THAP6: variants seen among roughly 807,000 people sequenced by gnomAD.
THAP6 encodes THAP domain-containing protein 6.
In THAP6, 13 loss-of-function variants were observed where a neutral mutation model predicts 20.0. The observed-to-expected ratio is 0.65, with a 90% CI of 0.42 to 1.03. THAP6 has a LOEUF of 1.03. THAP6 is among the 50% of genes least tolerant of loss of function. The probability of loss-of-function intolerance (pLI) is 0.00; values close to 1 mark genes in which losing one functional copy is unlikely to be tolerated. For missense variants in THAP6, 262 were observed against 261.6 expected, an observed-to-expected ratio of 1.00 and a Z score of -0.01; for synonymous variants, 93 against 92.2, an observed-to-expected ratio of 1.01 and a Z score of -0.05.
rs1726460305 is a variant in THAP6, at chr4:75,527,555, A to G, written c.*341A>G. ...TAGAAGGAATTGGACACTTCTCCAG[A>G]TATTTGGCTTCAAAGGAGTACCTTT... On this transcript the variant is annotated 3_prime_UTR_variant, in exon 5 of 5. Coordinates refer to ENST00000311638, the MANE Select transcript of THAP6 (RefSeq NM_144721.6). 2 of 1,061,118 alleles carry G rather than the reference A, an allele frequency of 1.9e-6. No homozygotes were observed. Among genetic ancestry groups the G allele is most frequent in the Non-Finnish European group, 2.3e-6 (2 of 876,632 alleles). The allele number at this position is 1,061,118 out of a possible 1,614,324, so 65.7% of individuals were successfully genotyped here.
chr4:75,520,103 G>A (rs1408466900), intron 3 of THAP6, among the ~76,000 whole-genome samples: 3 of 152,040 alleles, frequency 2.0e-5, no homozygotes, highest in Non-Finnish European at 4.4e-5. Flanking sequence ...TTTTTCATGT[G>A]TTTTTTGGCT....
chr4:75,536,314 A>G (rs1726851401), intron 2 of THAP6, among the ~76,000 whole-genome samples: 1 of 152,066 alleles, frequency 6.6e-6, no homozygotes. Flanking sequence ...AAAATACAAA[A>G]TTAGCCAGGT....
intron 2 of THAP6, among the ~76,000 whole-genome samples, chr4:75,538,316 G>T (rs914831441): frequency 2.0e-5 from 3 of 151,894 alleles, no homozygotes; most frequent in Admixed American, 6.6e-5. Flanking sequence ...TGTAGGATTT[G>T]AGAGTCTCAA....
intron 2 of THAP6, chr4:75,540,064 T>C (rs1726963845): frequency 3.1e-6 from 4 of 1,300,638 alleles, no homozygotes; most frequent in Non-Finnish European, 4.2e-6. Context: ...ACCATCCTCC[T>C]CTTCATCCTC....
At position 75,529,093 on chromosome 4, in the gene THAP6, TTTAG is replaced by T; in HGVS notation, c.*1883_*1886del. On this transcript the variant is annotated 3_prime_UTR_variant, in exon 5 of 5. Coordinates refer to ENST00000311638, the MANE Select transcript of THAP6 (RefSeq NM_144721.6). ...CTTTCATTAATTACCCATTATTTAT[TTTAG>T]TTACTTAATTTTGAGTTCATAAATG... 2.1e-6 allele frequency: 2 copies of T among 967,308 alleles called. No homozygotes were observed. The highest frequency in any genetic ancestry group is 2.5e-6 in the Non-Finnish European group (2 of 813,450). The allele number at this position is 967,308 out of a possible 1,614,324, so 59.9% of individuals were successfully genotyped here.
At chr4:75,542,263 C>A in intron 2 of THAP6, 1 of 569,248 alleles carries the variant, frequency 1.8e-6, no homozygotes, top group South Asian at 2.2e-5. Context: ...GAGAACCTCA[C>A]AATACAGCTT....
intron 2 of THAP6, 141 bp from the exon 3 acceptor site, chr4:75,516,631 A>T: frequency 1.4e-6 from 1 of 700,572 alleles, no homozygotes; most frequent in Non-Finnish European, 2.2e-6. Context: ...AGCATGAATT[A>T]TGGTTTCCTA....
chr4:75,536,307 A>G (rs1168152831), intron 2 of THAP6, among the ~76,000 whole-genome samples: 1 of 152,076 alleles, frequency 6.6e-6, no homozygotes, highest in Non-Finnish European at 1.5e-5. Flanking sequence ...TCCACTAAAA[A>G]TACAAAATTA....
At chr4:75,524,710 ACTT>A (rs1192456417) in intron 4 of THAP6, among the ~76,000 whole-genome samples, 2 of 151,572 alleles carry the variant, frequency 1.3e-5, no homozygotes, top group African/African-American at 4.8e-5. Context: ...TGTACCTAAT[ACTT>A]CTTTTTTTCT....
At chr4:75,538,168 G>A (rs1578281923) in intron 2 of THAP6, among the ~76,000 whole-genome samples, 3 of 152,314 alleles carry the variant, frequency 2.0e-5, no homozygotes, top group African/African-American at 7.2e-5. Flanking sequence ...CATGGCACAT[G>A]AGTAGACAGC....
In THAP6 at chr4:75,526,045, C is replaced by T. The variant is rs551540279; in HGVS notation, c.415-915C>T. Among the ~76,000 whole-genome samples the T allele has an allele frequency of 4.6e-5, 7 of 152,242 alleles. No individual in the cohort carries two copies. The South Asian group carries it at 1.5e-3, about 32-fold the overall frequency. ...TGTGAACTGTAGCTACTTTGGTCTCCCTGGATGTTTTGCACTACCTCCTCA... is the reference window on the plus strand; with the variant it reads ...TGTGAACTGTAGCTACTTTGGTCTCTCTGGATGTTTTGCACTACCTCCTCA... On this transcript the variant is annotated intron_variant, in intron 4 of 4. Transcript: ENST00000311638.
At chr4:75,540,074 C>A (rs1726964061) in intron 2 of THAP6, 19 of 1,230,668 alleles carry the variant, frequency 1.5e-5, no homozygotes, top group Non-Finnish European at 2.1e-5. Flanking sequence ...TCTTCATCCT[C>A]TCACTCCAAT....
chr4:75,528,990 T>C lies in THAP6; in HGVS notation c.*1776T>C. 1.8e-6 allele frequency: 1 copy of C among 543,190 alleles called. No individual in the cohort carries two copies. The highest frequency in any genetic ancestry group is 2.1e-5 in the African/African-American group (1 of 48,512). The allele number at this position is 543,190 out of a possible 1,614,324, so 33.6% of individuals were successfully genotyped here. On this transcript the variant is annotated 3_prime_UTR_variant, in exon 5 of 5. Coordinates refer to ENST00000311638, the MANE Select transcript of THAP6 (RefSeq NM_144721.6). ...ATTGCTTGAACCCGGGAGGCGGAGA[T>C]TGCAGTGAGCCAAGATCACGCCGTT... is the stretch of plus-strand genomic sequence containing the variant.
chr4:75,531,669 T>C (rs138753013), downstream of THAP6, among the ~76,000 whole-genome samples: 624 of 152,238 alleles, frequency 4.1e-3, no homozygotes, highest in African/African-American at 0.014. Context: ...AATGGACTTA[T>C]AGTTCCACAT....
At chr4:75,545,194 A>G (rs893188281) in intron 3 of THAP6, among the ~76,000 whole-genome samples, 7 of 152,318 alleles carry the variant, frequency 4.6e-5, no homozygotes, top group African/African-American at 1.7e-4. Flanking sequence ...TGACTGGTCC[A>G]AGGTCCTGCA....
intron 4 of THAP6, among the ~76,000 whole-genome samples, chr4:75,522,863 T>C (rs1318442363): frequency 6.6e-6 from 1 of 152,222 alleles, no homozygotes; most frequent in East Asian, 1.9e-4. Flanking sequence ...TTAGGTTTTT[T>C]CCAAATATCG....
chr4:75,539,818 A>G (rs1162759064), intron 2 of THAP6: 6 of 1,535,814 alleles, frequency 3.9e-6, no homozygotes, highest in Non-Finnish European at 4.4e-6. Flanking sequence ...AGCCATCCAC[A>G]TACTGTTTTT....
chr4:75,536,912 G>T (rs995217519), intron 2 of THAP6, among the ~76,000 whole-genome samples: 1 of 152,174 alleles, frequency 6.6e-6, no homozygotes, highest in African/African-American at 2.4e-5. Context: ...TCAAAAGAAA[G>T]TTGGGGTAAT....
intron 2 of THAP6, among the ~76,000 whole-genome samples, chr4:75,540,303 T>G (rs1726969281): frequency 1.3e-5 from 2 of 152,198 alleles, no homozygotes; most frequent in South Asian, 2.1e-4. Context: ...CAAGACTTCC[T>G]TAGTAAATGA....
Sources: allele counts gnomAD v4.1 joint callset (sites outside exome capture counted in the v4.1 genomes callset), GRCh38; gene constraint gnomAD v4.1.1; transcripts MANE v1.5; gene names NCBI Gene and HGNC (gene_info 2026-07-23, HGNC 2026-07-21).